Variants in ATP8B4 observed in about 807,000 individuals in gnomAD.
The protein encoded by ATP8B4 is probable phospholipid-transporting ATPase IM.
In ATP8B4, 133 loss-of-function variants were observed where a neutral mutation model predicts 145.6. The ratio of observed to expected loss-of-function variants is 0.91; its 90% CI spans 0.79 to 1.05. ATP8B4 has a LOEUF of 1.05. Among genes scored for constraint, ATP8B4 ranks in the 50% least tolerant of loss-of-function variants. The pLI, the probability that ATP8B4 is intolerant of heterozygous loss-of-function variation, is 0.00. For synonymous variants in ATP8B4, 507 were observed against 492.9 expected, an observed-to-expected ratio of 1.03 and a Z score of -0.38; for missense variants, 1,458 against 1,425.2, an observed-to-expected ratio of 1.02 and a Z score of -0.37.
chr15:50,144,648 G>A (rs1020156564), intron 1 of ATP8B4, among the ~76,000 whole-genome samples: 1 of 152,166 alleles, frequency 6.6e-6, no homozygotes, highest in South Asian at 2.1e-4. Flanking sequence ...GATTTGGGTA[G>A]GGACACAGAG....
At chr15:50,113,808 C>T (rs1046946952) in intron 1 of ATP8B4, among the ~76,000 whole-genome samples, 4 of 130,002 alleles carry the variant, frequency 3.1e-5, no homozygotes, top group Admixed American at 1.8e-4. Context: ...CATTGCACTC[C>T]AGCCCGGGCA....
intron 1 of ATP8B4, among the ~76,000 whole-genome samples, chr15:50,116,865 T>C (rs4525435): frequency 0.99 from 149,930 of 152,146 alleles, 73,914 homozygotes; most frequent in East Asian, 1. Flanking sequence ...AAAAACATAA[T>C]GATCAATAAT....
intron 10 of ATP8B4, among the ~76,000 whole-genome samples, chr15:49,982,752 C>A (rs1332174606): frequency 6.6e-6 from 1 of 152,068 alleles, no homozygotes; most frequent in African/African-American, 2.4e-5. Context: ...ATATGCACAT[C>A]CTGAAAGAAT....
chr15:50,146,423 A>T (rs1183153622), intron 1 of ATP8B4, among the ~76,000 whole-genome samples: 1 of 152,204 alleles, frequency 6.6e-6, no homozygotes, highest in Non-Finnish European at 1.5e-5. Context: ...ATTATTCAGA[A>T]CAAGAAAAAT....
intron 2 of ATP8B4, among the ~76,000 whole-genome samples, chr15:50,092,922 A>G (rs2055705175): frequency 1.3e-5 from 2 of 152,012 alleles, no homozygotes; most frequent in South Asian, 2.1e-4. Flanking sequence ...CATAATAGTA[A>G]TATTGCTCAA....
chr15:50,089,675 T>C (rs1310613823), intron 2 of ATP8B4, among the ~76,000 whole-genome samples: 6 of 151,936 alleles, frequency 3.9e-5, no homozygotes, highest in Non-Finnish European at 1.5e-5. Context: ...CTTTCTTTCT[T>C]TTTTTTGAGA....
chr15:50,115,994 G>C (rs2057150093), intron 1 of ATP8B4, among the ~76,000 whole-genome samples: 1 of 152,130 alleles, frequency 6.6e-6, no homozygotes. Flanking sequence ...GCCAGTCCAG[G>C]CTGTCAGGGA....
chr15:49,992,897 C>A (rs12914620), intron 9 of ATP8B4, among the ~76,000 whole-genome samples: 1 of 151,920 alleles, frequency 6.6e-6, no homozygotes, highest in East Asian at 1.9e-4. Flanking sequence ...CATTGCCAAA[C>A]ATATACAATG....
At chr15:50,165,829 G>C (rs1402199689) in intron 1 of ATP8B4, among the ~76,000 whole-genome samples, 1 of 152,034 alleles carries the variant, frequency 6.6e-6, no homozygotes, top group Non-Finnish European at 1.5e-5. Context: ...AATATCAAAT[G>C]ACTCAACACA....
intron 20 of ATP8B4, among the ~76,000 whole-genome samples, chr15:49,903,769 C>T (rs887070490): frequency 1.3e-5 from 2 of 152,154 alleles, no homozygotes; most frequent in Non-Finnish European, 1.5e-5. Flanking sequence ...TGGCACATGC[C>T]TGTAATCCTA....
At chr15:50,147,117 C>A (rs138492198) in intron 1 of ATP8B4, among the ~76,000 whole-genome samples, 21 of 152,188 alleles carry the variant, frequency 1.4e-4, no homozygotes, top group African/African-American at 5.1e-4. Context: ...AATTCGAGGT[C>A]TTTAAAACTA....
intron 3 of ATP8B4, among the ~76,000 whole-genome samples, chr15:50,054,384 C>G (rs1490306881): frequency 1.3e-5 from 2 of 152,198 alleles, no homozygotes; most frequent in African/African-American, 4.8e-5. Context: ...GTCCAAAAGA[C>G]AGAAAGCTAG....
At chr15:50,132,321 C>T (rs1282957270) in intron 1 of ATP8B4, among the ~76,000 whole-genome samples, 1 of 152,090 alleles carries the variant, frequency 6.6e-6, no homozygotes, top group Non-Finnish European at 1.5e-5. Flanking sequence ...AGACGCTTCT[C>T]AAAAGAAGAC....
intron 7 of ATP8B4, among the ~76,000 whole-genome samples, chr15:50,010,206 AC>A (rs2048625066): frequency 6.6e-6 from 1 of 152,088 alleles, no homozygotes; most frequent in Non-Finnish European, 1.5e-5. Context: ...GATCTCAATA[AC>A]TTTTGTTACC....
intron 9 of ATP8B4, among the ~76,000 whole-genome samples, chr15:49,991,014 A>G (rs2047004351): frequency 6.6e-6 from 1 of 152,108 alleles, no homozygotes; most frequent in African/African-American, 2.4e-5. Flanking sequence ...CCCATCCATC[A>G]TTACCACCAT....
At position 50,158,591 on chromosome 15, in the gene ATP8B4, C is replaced by T. The variant is rs904954471; in HGVS notation, c.-43+23670G>A. ...GAGCCCCTCTGCCCGGCCACCACCC[C>T]GTCTGGGAGGTATACCCAACAGCTC... is the stretch of plus-strand genomic sequence containing the variant. On this transcript the variant is annotated intron_variant, in intron 1 of 3. Coordinates refer to the ATP8B4 transcript ENST00000558829. Among the ~76,000 whole-genome samples the T allele has an allele frequency of 3.3e-5, 5 of 152,222 alleles. No individual in the cohort carries two copies. The East Asian group carries it at 7.7e-4, about 23-fold the overall frequency.
intron 2 of ATP8B4, among the ~76,000 whole-genome samples, chr15:50,078,392 G>A (rs2054324634): frequency 6.6e-6 from 1 of 151,852 alleles, no homozygotes; most frequent in African/African-American, 2.4e-5. Context: ...ACAAGAACAA[G>A]CTAATATAAA....
intron 6 of ATP8B4, among the ~76,000 whole-genome samples, chr15:50,018,328 C>T (rs1326704490): frequency 1.3e-5 from 2 of 152,142 alleles, no homozygotes; most frequent in Admixed American, 6.5e-5. Flanking sequence ...TATGCGGTAT[C>T]ATCACCCTGC....
chr15:49,885,089 G>A (rs573005302), intron 23 of ATP8B4, among the ~76,000 whole-genome samples: 11 of 152,212 alleles, frequency 7.2e-5, no homozygotes, highest in African/African-American at 2.4e-4. Context: ...CTCCCTATTC[G>A]TCATGTCCTA....
Sources: allele counts gnomAD v4.1 joint callset (sites outside exome capture counted in the v4.1 genomes callset), GRCh38; gene constraint gnomAD v4.1.1; transcripts MANE v1.5; gene names NCBI Gene and HGNC (gene_info 2026-07-23, HGNC 2026-07-21).